The following LOC128462377 variants were observed in gnomAD, a reference collection of about 807,000 sequenced individuals.
the LOC128462377 span, among the ~76,000 whole-genome samples, chr16:89,397,384 A>G: frequency 6.6e-6 from 1 of 152,246 alleles, no homozygotes; most frequent in Non-Finnish European, 1.5e-5. Flanking sequence ...GTTTTCTCAA[A>G]GAAGCTGAAG....
chr16:89,403,431 A>T, the LOC128462377 span, among the ~76,000 whole-genome samples: 1 of 152,110 alleles, frequency 6.6e-6, no homozygotes, highest in Admixed American at 6.5e-5. Flanking sequence ...CGGGGAACCC[A>T]AGTCCCGAGG....
the LOC128462377 span, among the ~76,000 whole-genome samples, chr16:89,339,097 C>G: frequency 6.6e-6 from 1 of 152,138 alleles, no homozygotes; most frequent in Admixed American, 6.5e-5. Context: ...GATGGGTGAG[C>G]GTTGCACCCC....
the LOC128462377 span, among the ~76,000 whole-genome samples, chr16:89,354,547 T>C: frequency 9.8e-5 from 15 of 152,314 alleles, no homozygotes; most frequent in African/African-American, 3.6e-4. Flanking sequence ...TAGGCTGGAA[T>C]ACTCAAGAGA....
At chr16:89,392,820 G>A in the LOC128462377 span, 1 of 149,954 alleles carries the variant, frequency 6.7e-6, no homozygotes, top group Admixed American at 6.7e-5. Context: ...ACTAGGTTAG[G>A]AAAAAAGAAA....
chr16:89,337,612 T>A, the LOC128462377 span, among the ~76,000 whole-genome samples: 1 of 151,824 alleles, frequency 6.6e-6, no homozygotes, highest in African/African-American at 2.4e-5. Context: ...AATTTTTTTG[T>A]ATTTTTTATA....
chr16:89,359,030 T>TA, the LOC128462377 span, among the ~76,000 whole-genome samples: 1 of 152,110 alleles, frequency 6.6e-6, no homozygotes, highest in Non-Finnish European at 1.5e-5. Context: ...ATACATTTCT[T>TA]ATATATGTCT....
chr16:89,375,419 C>T, the LOC128462377 span, among the ~76,000 whole-genome samples: 9 of 152,058 alleles, frequency 5.9e-5, no homozygotes, highest in South Asian at 1.9e-3. Context: ...ATGCCTGTGA[C>T]AAGCCGCTGC....
At chr16:89,406,685 G>GAGGA in the LOC128462377 span, among the ~76,000 whole-genome samples, 1 of 152,186 alleles carries the variant, frequency 6.6e-6, no homozygotes, top group East Asian at 1.9e-4. Flanking sequence ...CATCTGCCTG[G>GAGGA]AGGAAGGAAG....
At chr16:89,324,829 T>C in the LOC128462377 span, 2 of 288,998 alleles carry the variant, frequency 6.9e-6, no homozygotes, top group South Asian at 6.1e-5. Context: ...ACTGGCTTCC[T>C]GGCTCCTCAG....
the LOC128462377 span, among the ~76,000 whole-genome samples, chr16:89,349,895 CACACACACACACACACAT>C: frequency 5.3e-4 from 71 of 133,686 alleles, no homozygotes; most frequent in South Asian, 1.3e-3. Flanking sequence ...CACACACACA[CACACACACACACACACAT>C]ATTCAAACAA....
At chr16:89,323,387 G>A in the LOC128462377 span, 48 of 1,272,116 alleles carry the variant, frequency 3.8e-5, no homozygotes, top group South Asian at 4.8e-4. Context: ...CAGTGGGCAA[G>A]GGGAGAGCAA....
At chr16:89,359,704 A>G in the LOC128462377 span, among the ~76,000 whole-genome samples, 6 of 152,216 alleles carry the variant, frequency 3.9e-5, no homozygotes, top group African/African-American at 1.4e-4. Flanking sequence ...GGGTAACTGT[A>G]CAAGAGGCAT....
chr16:89,411,133 C>A, the LOC128462377 span, among the ~76,000 whole-genome samples: 11 of 152,266 alleles, frequency 7.2e-5, no homozygotes, highest in African/African-American at 2.7e-4. Context: ...CAGAAGGCAG[C>A]AGCACAGGGG....
chr16:89,384,845 ATG>A, the LOC128462377 span, among the ~76,000 whole-genome samples: 1 of 142,638 alleles, frequency 7.0e-6, no homozygotes, highest in Admixed American at 6.9e-5. Context: ...GTGTAAGAAC[ATG>A]TGTGTGGGAG....
the LOC128462377 span, among the ~76,000 whole-genome samples, chr16:89,389,825 G>C: frequency 4.2e-5 from 6 of 143,770 alleles, no homozygotes; most frequent in African/African-American, 1.6e-4. Flanking sequence ...AGATCACTAG[G>C]GCAAACACCG....
the LOC128462377 span, among the ~76,000 whole-genome samples, chr16:89,370,366 C>T: frequency 4.6e-5 from 7 of 152,136 alleles, no homozygotes; most frequent in African/African-American, 1.4e-4. Context: ...CAGGCGTGCC[C>T]GGTACCTGCC....
At chr16:89,369,162 C>A in the LOC128462377 span, among the ~76,000 whole-genome samples, 1 of 152,180 alleles carries the variant, frequency 6.6e-6, no homozygotes, top group African/African-American at 2.4e-5. Flanking sequence ...AGCATAAGCA[C>A]CCCAAACCCA....
the LOC128462377 span, among the ~76,000 whole-genome samples, chr16:89,398,605 G>C: frequency 2.0e-5 from 3 of 152,164 alleles, no homozygotes; most frequent in Admixed American, 2.0e-4. Context: ...AGCTGGGTGT[G>C]TTGGCACCTG....
chr16:89,391,095 G>A, the LOC128462377 span, among the ~76,000 whole-genome samples: 1 of 152,112 alleles, frequency 6.6e-6, no homozygotes, highest in South Asian at 2.1e-4. Flanking sequence ...GGGCGCGGTG[G>A]TGGGCGCCTG....
Sources: allele counts gnomAD v4.1 joint callset (sites outside exome capture counted in the v4.1 genomes callset), GRCh38; gene constraint gnomAD v4.1.1; transcripts MANE v1.5.